Variants in COL28A1 observed in about 807,000 individuals in gnomAD.
The protein encoded by COL28A1 is collagen alpha-1(XXVIII) chain.
COL28A1 carries 161 observed loss-of-function variants against 150.2 expected under a neutral mutation model. That is an observed-to-expected ratio of 1.07 (90% CI 0.94 to 1.22). COL28A1 has a LOEUF of 1.22. Among genes scored for constraint, COL28A1 ranks in the 50% most tolerant of loss-of-function variants. The pLI, the probability that COL28A1 is intolerant of heterozygous loss-of-function variation, is 0.00. For synonymous variants in COL28A1, 552 were observed against 469.7 expected, an observed-to-expected ratio of 1.18 and a Z score of -2.26; for missense variants, 1,617 against 1,388.3, an observed-to-expected ratio of 1.16 and a Z score of -2.62.
At chr7:7,418,374 T>C (rs1222724024) in intron 26 of COL28A1, among the ~76,000 whole-genome samples, 1 of 152,248 alleles carries the variant, frequency 6.6e-6, no homozygotes, top group Non-Finnish European at 1.5e-5. Flanking sequence ...TGGATATCAA[T>C]GTCCAAATTT....
chr7:7,413,992 G>A (rs1783929064), intron 27 of COL28A1, among the ~76,000 whole-genome samples: 1 of 152,140 alleles, frequency 6.6e-6, no homozygotes, highest in Non-Finnish European at 1.5e-5. Flanking sequence ...AGTACTAAGG[G>A]AATGTCAGGG....
chr7:7,531,895 C>T lies in COL28A1; in HGVS notation c.134G>A (p.Cys45Tyr). 1 of 1,595,646 alleles carries T rather than the reference C, an allele frequency of 6.3e-7. No individual in the cohort carries two copies. Among genetic ancestry groups the T allele is most frequent in the Non-Finnish European group, 8.6e-7 (1 of 1,165,372 alleles). Reference sequence around the variant, plus strand: ...CACGATGAAGACAATATCTATGAAACAAATGGAGCCTGAAACAGAATAAAC... The same window carrying T: ...CACGATGAAGACAATATCTATGAAATAAATGGAGCCTGAAACAGAATAAAC... ...ARKSDVQGSI[C>Y]FIDIVFIVDS... Residue 45 changes from cysteine to tyrosine, a missense_variant, in exon 3 of 35, where the codon TGT (cysteine) becomes TAT (tyrosine). Transcript: ENST00000399429.
At chr7:7,340,436 TA>T in the COL28A1 span, among the ~76,000 whole-genome samples, 1 of 152,084 alleles carries the variant, frequency 6.6e-6, no homozygotes, top group East Asian at 1.9e-4. Context: ...TATTGATGTC[TA>T]AACTTTCCAG....
upstream of COL28A1, among the ~76,000 whole-genome samples, chr7:7,536,323 T>C (rs118048106): frequency 5.6e-4 from 86 of 152,320 alleles, no homozygotes; most frequent in Non-Finnish European, 1.1e-3. Flanking sequence ...AAATTTTTTA[T>C]AATAAAAGGT....
At chr7:7,460,248 G>A (rs946626426) in intron 15 of COL28A1, among the ~76,000 whole-genome samples, 16 of 152,162 alleles carry the variant, frequency 1.1e-4, no homozygotes, top group African/African-American at 2.9e-4. Flanking sequence ...ATTCCTGTTG[G>A]TCCTTGCTGG....
intron 11 of COL28A1, among the ~76,000 whole-genome samples, chr7:7,494,617 A>G (rs765319964): frequency 5.9e-5 from 9 of 152,206 alleles, no homozygotes; most frequent in Non-Finnish European, 8.8e-5. Context: ...TTGAGCACCA[A>G]ACTAATAATA....
chr7:7,520,720 C>A (rs1186736053), intron 5 of COL28A1, among the ~76,000 whole-genome samples: 1 of 152,140 alleles, frequency 6.6e-6, no homozygotes, highest in African/African-American at 2.4e-5. Context: ...TGTGGCTTAT[C>A]CCTACTAAAA....
chr7:7,478,638 C>G (rs900832611), intron 13 of COL28A1, among the ~76,000 whole-genome samples: 1 of 152,238 alleles, frequency 6.6e-6, no homozygotes, highest in African/African-American at 2.4e-5. Context: ...GAGCCCACGG[C>G]GGGTTGGGGA....
At chr7:7,489,592 T>G in intron 12 of COL28A1, 135 bp from the exon 13 acceptor site, 2 of 638,612 alleles carry the variant, frequency 3.1e-6, no homozygotes, top group Non-Finnish European at 5.6e-6. Context: ...AGGTAAAAAA[T>G]TCTAGAGGAA....
chr7:7,374,079 G>C (rs1781417841), intron 31 of COL28A1, among the ~76,000 whole-genome samples: 1 of 141,436 alleles, frequency 7.1e-6, no homozygotes, highest in South Asian at 2.2e-4. Flanking sequence ...AAACACCGTA[G>C]TTGATAAAAT....
chr7:7,448,877 T>G (rs1786472119), intron 18 of COL28A1, among the ~76,000 whole-genome samples: 1 of 152,006 alleles, frequency 6.6e-6, no homozygotes, highest in Admixed American at 6.6e-5. Context: ...CATAAAAATC[T>G]AGAAAATGCA....
Position 7,373,468 on chromosome 7 carries a change from T to C in COL28A1, c.2438A>G (p.Asn813Ser), listed in dbSNP as rs1374543583. ...CACAAAATTTTTAATGATCTGAAAG[T>C]TCTCTGGCCCCACGCTTTCTGAGCT... The part of the protein sequence containing the change: ...IDSSESVGPE[N>S]FQIIKNFVKT... Residue 813 changes from asparagine (N) to serine (S), a missense_variant, in exon 32 of 35, where the codon AAC (asparagine) becomes AGC (serine). By Grantham distance (46) the Asn-to-Ser change is conservative. Coordinates refer to ENST00000399429, the MANE Select transcript of COL28A1 (RefSeq NM_001037763.3). This position sits in a 1 kb window ranked among gnomAD's most constrained non-coding sequence, Gnocchi z 4.1. The C allele has an allele frequency of 4.3e-6, 7 of 1,613,988 alleles. No individual in the cohort carries two copies. Among genetic ancestry groups the C allele is most frequent in the Non-Finnish European group, 5.9e-6 (7 of 1,180,030 alleles).
At position 7,431,464 on chromosome 7, in the gene COL28A1, G is replaced by T. The variant is rs1357948441; in HGVS notation, c.1998+1009C>A. 3 of 466,838 alleles carry T rather than the reference G, an allele frequency of 6.4e-6. No homozygotes were observed. In the Admixed American group the frequency reaches 7.1e-5, roughly 11 times the overall value. 28.9% of individuals were successfully genotyped at this position (466,838 alleles called of 1,614,324 possible). A position where few individuals can be genotyped will look rare whatever the true frequency, so the allele number is the denominator to read the frequency against. On this transcript the variant is annotated intron_variant, in intron 25 of 34. Transcript: ENST00000399429. The stretch of plus-strand genomic sequence containing the variant: ...TGGGGTAGTAATGCTTTCTGTATGG[G>T]TGGTCGGGGAGGTGACATTTGAGCT...
intron 8 of COL28A1, among the ~76,000 whole-genome samples, chr7:7,515,174 A>T (rs190392244): frequency 6.6e-6 from 1 of 152,332 alleles, no homozygotes; most frequent in East Asian, 1.9e-4. Context: ...GAACTGTGGG[A>T]CAGACTTATC....
intron 27 of COL28A1, among the ~76,000 whole-genome samples, chr7:7,416,753 C>T (rs1211056001): frequency 1.3e-5 from 2 of 152,190 alleles, no homozygotes; most frequent in Non-Finnish European, 2.9e-5. Context: ...TGTGATAAAA[C>T]TGGAGATTTA....
the COL28A1 span, among the ~76,000 whole-genome samples, chr7:7,350,664 TTTTTTTTTTTA>T: frequency 1.1e-5 from 1 of 90,346 alleles, no homozygotes; most frequent in Non-Finnish European, 2.5e-5. Context: ...CCTTTTTTTT[TTTTTTTTTTTA>T]AAACCGCTGA....
intron 15 of COL28A1, among the ~76,000 whole-genome samples, chr7:7,461,634 C>A (rs1010100978): frequency 3.9e-5 from 6 of 152,128 alleles, no homozygotes; most frequent in African/African-American, 1.4e-4. Flanking sequence ...TCCCTGACAA[C>A]CTGTATGGCA....
chr7:7,518,333 C>T (rs1439180833), intron 6 of COL28A1, among the ~76,000 whole-genome samples: 3 of 152,180 alleles, frequency 2.0e-5, no homozygotes, highest in Middle Eastern at 6.8e-3. Flanking sequence ...GACATGATAG[C>T]ATCAGTTTGG....
chr7:7,367,715 G>A (rs1380354014), intron 33 of COL28A1, among the ~76,000 whole-genome samples: 1 of 151,368 alleles, frequency 6.6e-6, no homozygotes, highest in African/African-American at 2.4e-5. Context: ...GATACAGAGG[G>A]ATCTGTTCTT....
Sources: gnomAD v4.1 joint callset for allele counts (sites outside exome capture counted in the v4.1 genomes callset) on GRCh38, gnomAD v4.1.1 for gene constraint, Gnocchi (gnomAD v3.1) non-coding constraint, MANE v1.5 for transcripts, NCBI Gene and HGNC (gene_info 2026-07-23, HGNC 2026-07-21) for gene names.